FHIT: variants seen among roughly 807,000 people sequenced by gnomAD.
FHIT encodes the protein fragile histidine triad diadenosine triphosphatase.
In FHIT, 19 loss-of-function variants were observed where a neutral mutation model predicts 17.9. The ratio of observed to expected loss-of-function variants is 1.06; its 90% CI spans 0.74 to 1.56. FHIT has a LOEUF of 1.56. Ranked by LOEUF, FHIT falls within the 40% of genes most tolerant of loss-of-function variation. The pLI is 0.00. For synonymous variants in FHIT, 81 were observed against 69.7 expected (o/e 1.16, Z -0.81); for missense variants, 248 against 189.2 (o/e 1.31, Z -1.82).
At chr3:60,291,509 G>A (rs1436123524) in intron 5 of FHIT, among the ~76,000 whole-genome samples, 1 of 152,126 alleles carries the variant, frequency 6.6e-6, no homozygotes, top group African/African-American at 2.4e-5. Flanking sequence ...GCCCCAGGTA[G>A]CCCTTTTCTG....
At chr3:60,725,128 G>A (rs1408494229) in intron 4 of FHIT, among the ~76,000 whole-genome samples, 1 of 151,932 alleles carries the variant, frequency 6.6e-6, no homozygotes, top group Non-Finnish European at 1.5e-5. Flanking sequence ...TTTTAACTGG[G>A]CTATTTGTCT....
At chr3:60,229,376 C>G (rs1392211054) in intron 5 of FHIT, among the ~76,000 whole-genome samples, 1 of 148,650 alleles carries the variant, frequency 6.7e-6, no homozygotes, top group Non-Finnish European at 1.5e-5. Flanking sequence ...GAGCTCCTGC[C>G]ACTGTACTCC....
intron 5 of FHIT, among the ~76,000 whole-genome samples, chr3:60,372,552 G>C (rs1700372016): frequency 6.6e-6 from 1 of 151,810 alleles, no homozygotes; most frequent in Non-Finnish European, 1.5e-5. Context: ...TTAAATTATT[G>C]GTCCAAGACA....
chr3:60,861,048 G>A (rs1236794077), intron 3 of FHIT, among the ~76,000 whole-genome samples: 2 of 96,070 alleles, frequency 2.1e-5, no homozygotes, highest in Non-Finnish European at 4.4e-5. Flanking sequence ...TATGACGTAC[G>A]TCATATATAT....
intron 2 of FHIT, among the ~76,000 whole-genome samples, chr3:61,135,600 T>TAC (rs1304994320): frequency 3.4e-5 from 5 of 144,962 alleles, no homozygotes; most frequent in Non-Finnish European, 6.0e-5. Context: ...CACACACACA[T>TAC]ACACACACAC....
chr3:60,384,750 A>G (rs1225226446), intron 5 of FHIT, among the ~76,000 whole-genome samples: 1 of 152,008 alleles, frequency 6.6e-6, no homozygotes, highest in African/African-American at 2.4e-5. Context: ...TTTGAATCAT[A>G]GTATCTCTTC....
intron 5 of FHIT, among the ~76,000 whole-genome samples, chr3:60,226,236 G>C (rs1368385686): frequency 6.6e-6 from 1 of 152,068 alleles, no homozygotes; most frequent in Non-Finnish European, 1.5e-5. Flanking sequence ...ACTTTGGGAG[G>C]CTGAGGCAGG....
At chr3:61,205,868 G>C (rs1031994484) in intron 1 of FHIT, among the ~76,000 whole-genome samples, 1 of 149,856 alleles carries the variant, frequency 6.7e-6, no homozygotes, top group Non-Finnish European at 1.5e-5. Context: ...ATTGCTTTTG[G>C]TGTTTTAGAC....
At chr3:59,952,547 C>T (rs1467307974) in intron 7 of FHIT, among the ~76,000 whole-genome samples, 3 of 152,312 alleles carry the variant, frequency 2.0e-5, no homozygotes, top group South Asian at 2.1e-4. Flanking sequence ...CTTGTGGTCT[C>T]ACCATAGAGT....
At chr3:60,790,697 G>T (rs1416768684) in intron 4 of FHIT, among the ~76,000 whole-genome samples, 1 of 152,300 alleles carries the variant, frequency 6.6e-6, no homozygotes, top group African/African-American at 2.4e-5. Flanking sequence ...TTTTAGGAGA[G>T]TGAAACTATT....
At chr3:60,502,573 C>A (rs1479629602) in intron 5 of FHIT, among the ~76,000 whole-genome samples, 2 of 152,142 alleles carry the variant, frequency 1.3e-5, no homozygotes, top group African/African-American at 4.8e-5. Context: ...CAGTGCTTAG[C>A]ACAATAATGT....
chr3:60,002,167 A>C (rs1575856530), intron 7 of FHIT, among the ~76,000 whole-genome samples: 1 of 152,196 alleles, frequency 6.6e-6, no homozygotes, highest in South Asian at 2.1e-4. Context: ...GTCAGGAACC[A>C]GGAAGACTTG....
chr3:61,114,225 G>C (rs960655736), intron 2 of FHIT, among the ~76,000 whole-genome samples: 36 of 152,254 alleles, frequency 2.4e-4, no homozygotes, highest in African/African-American at 6.7e-4. Flanking sequence ...TGGAGCTACA[G>C]AATTCTCAGT....
At chr3:60,467,751 G>A (rs186162680) in intron 5 of FHIT, among the ~76,000 whole-genome samples, 23 of 152,048 alleles carry the variant, frequency 1.5e-4, no homozygotes, top group African/African-American at 5.1e-4. Context: ...GTCTTTCCTC[G>A]AGAATGATCC....
intron 5 of FHIT, among the ~76,000 whole-genome samples, chr3:60,395,194 T>G (rs1701386369): frequency 2.0e-5 from 3 of 152,158 alleles, no homozygotes; most frequent in African/African-American, 2.4e-5. Context: ...AAGCTGATAA[T>G]TTCTGCAAGG....
chr3:60,725,610 T>A (rs2041902154), intron 4 of FHIT, among the ~76,000 whole-genome samples: 1 of 152,164 alleles, frequency 6.6e-6, no homozygotes, highest in African/African-American at 2.4e-5. Flanking sequence ...ACAGAACCTA[T>A]GTATGTGACA....
intron 4 of FHIT, among the ~76,000 whole-genome samples, chr3:60,587,283 T>C (rs781839982): frequency 4.6e-5 from 7 of 151,996 alleles, no homozygotes; most frequent in Non-Finnish European, 8.8e-5. Context: ...TTCTCACTCA[T>C]AAGTGGGAGC....
intron 3 of FHIT, among the ~76,000 whole-genome samples, chr3:60,968,319 CTAATA>C (rs1283082267): frequency 6.6e-6 from 1 of 151,724 alleles, no homozygotes; most frequent in Non-Finnish European, 1.5e-5. Context: ...ACTAGGGTCT[CTAATA>C]TAATGATGAA....
At chr3:60,889,450 A>C (rs1705393850) in intron 3 of FHIT, among the ~76,000 whole-genome samples, 1 of 152,250 alleles carries the variant, frequency 6.6e-6, no homozygotes, top group Non-Finnish European at 1.5e-5. Flanking sequence ...CTTTATATAT[A>C]ACAACCACTT....
Sources: gnomAD v4.1 joint callset for allele counts (sites outside exome capture counted in the v4.1 genomes callset) on GRCh38, gnomAD v4.1.1 for gene constraint, MANE v1.5 for transcripts, NCBI Gene and HGNC (gene_info 2026-07-23, HGNC 2026-07-21) for gene names.